The following DCAF8L2 variants were observed in gnomAD, a reference collection of about 807,000 sequenced individuals.
DCAF8L2 encodes DDB1 and CUL4 associated factor 8 like 2, also known as DDB1- and CUL4-associated factor 8-like protein 2.
For missense variants in DCAF8L2, 430 were observed against 490.7 expected, an observed-to-expected ratio of 0.88 and a Z score of 1.17; for synonymous variants, 200 against 190.9, an observed-to-expected ratio of 1.05 and a Z score of -0.39.
chrX:27,644,586 A>AGGAAGCT (rs754659192), intron 2 of DCAF8L2, among the ~76,000 whole-genome samples: 8 of 110,950 alleles, frequency 7.2e-5, no homozygotes, highest in Non-Finnish European at 1.1e-4. Flanking sequence ...CTCAGCTTTC[A>AGGAAGCT]GGAAGCTAAG....
intron 4 of DCAF8L2, among the ~76,000 whole-genome samples, chrX:27,741,147 A>C (rs1921823702): frequency 8.9e-6 from 1 of 112,414 alleles, no homozygotes; most frequent in Admixed American, 9.4e-5. Flanking sequence ...AAATATGAAA[A>C]GCAGATTGAT....
the DCAF8L2 span, among the ~76,000 whole-genome samples, chrX:27,533,678 A>G: frequency 8.9e-6 from 1 of 111,745 alleles, no homozygotes; most frequent in African/African-American, 3.3e-5. Context: ...TTTAAACAAG[A>G]CAAAAAACCT....
At chrX:27,718,611 C>T (rs1463831928) in intron 4 of DCAF8L2, among the ~76,000 whole-genome samples, 1 of 110,847 alleles carries the variant, frequency 9.0e-6, no homozygotes, top group Admixed American at 9.7e-5. Flanking sequence ...GTTGGGGGAG[C>T]CCTGATCCAA....
chrX:27,746,665 G>C (rs1318098166), intron 4 of DCAF8L2, 173 bp from the exon 5 acceptor site: 9 of 362,185 alleles, frequency 2.5e-5, no homozygotes, highest in Admixed American at 4.7e-5. Context: ...TGGATGCTGC[G>C]AGGCGGCGAG....
chrX:27,622,942 A>G (rs904646633), intron 1 of DCAF8L2, among the ~76,000 whole-genome samples: 23 of 111,955 alleles, frequency 2.1e-4, no homozygotes, highest in Admixed American at 1.4e-3. Flanking sequence ...GTAGTCCACC[A>G]TAAAATTTAA....
At chrX:27,587,985 A>AAAATATATAT, upstream of DCAF8L2, among the ~76,000 whole-genome samples, 4 of 22,369 alleles carry the variant, frequency 1.8e-4, no homozygotes, top group African/African-American at 3.0e-4. Flanking sequence ...TAAAAAAAAA[A>AAAATATATAT]ATATATATAT....
chrX:27,737,424 C>G (rs1011307043), intron 4 of DCAF8L2, among the ~76,000 whole-genome samples: 9 of 111,675 alleles, frequency 8.1e-5, no homozygotes, highest in Admixed American at 9.6e-5. Context: ...GTATACCAGA[C>G]AGAAAAGGGA....
chrX:27,611,385 C>T (rs1028797487), intron 1 of DCAF8L2, among the ~76,000 whole-genome samples: 2 of 107,383 alleles, frequency 1.9e-5, no homozygotes, highest in Non-Finnish European at 1.9e-5. Context: ...ATATATATGC[C>T]GTCATAGTGA....
intron 2 of DCAF8L2, among the ~76,000 whole-genome samples, chrX:27,651,557 T>C (rs1388973723): frequency 1.0e-5 from 1 of 99,048 alleles, no homozygotes; most frequent in Non-Finnish European, 2.0e-5. Context: ...TCGCCCAGGC[T>C]GGAGTGCAGT....
chrX:27,679,929 A>C (rs1930266764), intron 3 of DCAF8L2, among the ~76,000 whole-genome samples: 1 of 111,791 alleles, frequency 8.9e-6, no homozygotes, highest in Admixed American at 9.5e-5. Flanking sequence ...TAAATGGTAC[A>C]TTTCTCAAAT....
the DCAF8L2 span, among the ~76,000 whole-genome samples, chrX:27,514,708 A>AAAC: frequency 1.2e-5 from 1 of 86,702 alleles, no homozygotes; most frequent in African/African-American, 5.3e-5. Context: ...AAAAAAAAAA[A>AAAC]CAGAGTGAAA....
chrX:27,595,144 C>CA (rs1053224702), intron 1 of DCAF8L2, among the ~76,000 whole-genome samples: 6 of 111,322 alleles, frequency 5.4e-5, no homozygotes, highest in African/African-American at 2.0e-4. Flanking sequence ...CTCTTTTCTC[C>CA]ATATTTACTC....
At chrX:27,618,881 G>T (rs1344984866) in intron 1 of DCAF8L2, among the ~76,000 whole-genome samples, 1 of 109,325 alleles carries the variant, frequency 9.1e-6, no homozygotes, top group Non-Finnish European at 1.9e-5. Context: ...AAAAGGTTTA[G>T]TTTTTTTTTA....
intron 2 of DCAF8L2, among the ~76,000 whole-genome samples, chrX:27,643,213 T>G (rs1265903666): frequency 8.9e-6 from 1 of 112,177 alleles, no homozygotes; most frequent in Non-Finnish European, 1.9e-5. Context: ...AAGGGTTTCC[T>G]TCTCTCAACA....
chrX:27,500,575 A>G, the DCAF8L2 span, among the ~76,000 whole-genome samples: 2 of 111,847 alleles, frequency 1.8e-5, no homozygotes, highest in Non-Finnish European at 3.8e-5. Context: ...AAAATTCAAT[A>G]TATTTCCCTG....
At chrX:27,660,341 C>G (rs1929511985) in intron 2 of DCAF8L2, among the ~76,000 whole-genome samples, 1 of 111,862 alleles carries the variant, frequency 8.9e-6, no homozygotes, top group Non-Finnish European at 1.9e-5. Flanking sequence ...ATGTTGCTAT[C>G]TGTGTATCTG....
At chrX:27,706,208 T>C (rs948050298) in intron 3 of DCAF8L2, among the ~76,000 whole-genome samples, 1 of 111,814 alleles carries the variant, frequency 8.9e-6, no homozygotes, top group Non-Finnish European at 1.9e-5. Context: ...CCCAGTAGTA[T>C]AGTTTGAAGT....
At chrX:27,723,886 G>T (rs1398781294) in intron 4 of DCAF8L2, among the ~76,000 whole-genome samples, 1 of 110,745 alleles carries the variant, frequency 9.0e-6, no homozygotes, top group Non-Finnish European at 1.9e-5. Context: ...TCAATAAGAA[G>T]AATGAGTATA....
At chrX:27,533,224 A>AAG in the DCAF8L2 span, among the ~76,000 whole-genome samples, 6 of 41,692 alleles carry the variant, frequency 1.4e-4, no homozygotes, top group African/African-American at 3.8e-4. Context: ...GAAAGAAAGA[A>AAG]AGAAAGAAAG....
Sources: allele counts gnomAD v4.1 joint callset (sites outside exome capture counted in the v4.1 genomes callset), GRCh38; gene constraint gnomAD v4.1.1; transcripts MANE v1.5; gene names NCBI Gene and HGNC (gene_info 2026-07-23, HGNC 2026-07-21).